The following IQCJ variants were observed in gnomAD, a reference collection of about 807,000 sequenced individuals.
IQCJ encodes the protein IQ domain-containing protein J.
Under a neutral mutation model 11.0 loss-of-function variants are expected in IQCJ, and 9 were observed. The ratio of observed to expected loss-of-function variants is 0.82; its 90% CI spans 0.49 to 1.43. The LOEUF (loss-of-function observed/expected upper bound fraction) is 1.43, where lower values mean the gene tolerates loss of function less well. Ranked by LOEUF, IQCJ falls within the 40% of genes most tolerant of loss-of-function variation. The pLI is 0.00. For missense variants in IQCJ, 146 were observed against 133.2 expected (o/e 1.10, Z -0.47); for synonymous variants, 55 against 51.3 (o/e 1.07, Z -0.31).
intron 1 of IQCJ, among the ~76,000 whole-genome samples, chr3:159,236,032 A>G (rs78105849): frequency 0.022 from 3,369 of 152,274 alleles, 116 homozygotes; most frequent in African/African-American, 0.077. Context: ...ATGTCCTTAA[A>G]GTGTTAGAAA....
intron 1 of IQCJ, 167 bp downstream of exon 1, chr3:159,069,608 T>G: frequency 1.1e-6 from 1 of 890,462 alleles, no homozygotes; most frequent in Non-Finnish European, 1.7e-6. Context: ...TGTGCATGTG[T>G]CCTTGTTAAT....
chr3:159,210,853 G>A (rs942526036), intron 1 of IQCJ, among the ~76,000 whole-genome samples: 1 of 152,020 alleles, frequency 6.6e-6, no homozygotes, highest in Admixed American at 6.5e-5. Context: ...TGTATTTTCA[G>A]TAGAGTTGGG....
chr3:159,101,685 C>A (rs996482063), intron 1 of IQCJ, among the ~76,000 whole-genome samples: 5 of 152,146 alleles, frequency 3.3e-5, no homozygotes, highest in Non-Finnish European at 7.3e-5. Context: ...GGACTCAAGC[C>A]CATCTACTGT....
chr3:159,150,615 C>CACACACACACAT (rs200139441), intron 1 of IQCJ, among the ~76,000 whole-genome samples: 1 of 149,822 alleles, frequency 6.7e-6, no homozygotes, highest in African/African-American at 2.5e-5. Context: ...CACACACACA[C>CACACACACACAT]ATATTCTGGG....
chr3:159,075,915 G>A (rs1715880419), intron 1 of IQCJ, among the ~76,000 whole-genome samples: 1 of 152,056 alleles, frequency 6.6e-6, no homozygotes, highest in Admixed American at 6.6e-5. Context: ...ATTGAGCTGG[G>A]CATGGAGGGT....
chr3:159,217,947 G>C (rs975217796), intron 1 of IQCJ, among the ~76,000 whole-genome samples: 1 of 152,014 alleles, frequency 6.6e-6, no homozygotes, highest in Non-Finnish European at 1.5e-5. Context: ...AAAGCTCCTT[G>C]AGGACAGTGG....
At chr3:159,211,606 G>A (rs1724955594) in intron 1 of IQCJ, among the ~76,000 whole-genome samples, 1 of 152,168 alleles carries the variant, frequency 6.6e-6, no homozygotes, top group African/African-American at 2.4e-5. Context: ...AATGGCAATT[G>A]ACAACTTTAC....
intron 1 of IQCJ, among the ~76,000 whole-genome samples, chr3:159,178,568 C>T (rs1213815048): frequency 6.6e-6 from 1 of 152,094 alleles, no homozygotes; most frequent in Non-Finnish European, 1.5e-5. Context: ...CATACTATAC[C>T]AACACTGTTT....
rs1718835055 is a variant in IQCJ, at chr3:159,114,512, T to C, written c.9+45071T>C. On this transcript the variant is annotated intron_variant, in intron 1 of 3. Transcript: ENST00000397832. The stretch of plus-strand genomic sequence containing the variant: ...TTTTAGTAGAGAAGGGGTTTCGCCA[T>C]GTTGGCCAGGCTGGTCTCGAACTCC... 2.0e-5 allele frequency among the ~76,000 whole-genome samples: 3 copies of C among 149,960 alleles called. No homozygotes were observed. In the South Asian group the frequency reaches 6.4e-4, roughly 32 times the overall value.
intron 1 of IQCJ, among the ~76,000 whole-genome samples, chr3:159,205,002 C>T (rs931187510): frequency 2.0e-5 from 3 of 152,194 alleles, no homozygotes; most frequent in Non-Finnish European, 4.4e-5. Context: ...GGACCTGTTC[C>T]TCCTGGTCTC....
chr3:159,174,709 G>C (rs1419964662), intron 1 of IQCJ, among the ~76,000 whole-genome samples: 1 of 151,972 alleles, frequency 6.6e-6, no homozygotes, highest in Non-Finnish European at 1.5e-5. Context: ...ATCCATATTT[G>C]TACACATATA....
At chr3:159,107,105 C>A (rs961132665) in intron 1 of IQCJ, among the ~76,000 whole-genome samples, 2 of 152,046 alleles carry the variant, frequency 1.3e-5, no homozygotes, top group African/African-American at 2.4e-5. Context: ...AACTCTCATT[C>A]CTTTATCTGC....
chr3:159,150,832 G>A (rs1031513039), intron 1 of IQCJ, among the ~76,000 whole-genome samples: 1 of 152,132 alleles, frequency 6.6e-6, no homozygotes, highest in African/African-American at 2.4e-5. Flanking sequence ...GCCAATCATT[G>A]AGGCACCTTC....
chr3:159,263,844 G>C (rs1310778748), downstream of IQCJ: 32 of 979,968 alleles, frequency 3.3e-5, no homozygotes, highest in Non-Finnish European at 3.8e-5. Context: ...ATTGACAGCA[G>C]AAATTGAACA....
At chr3:159,228,394 A>C (rs1241826596) in intron 1 of IQCJ, among the ~76,000 whole-genome samples, 2 of 152,222 alleles carry the variant, frequency 1.3e-5, no homozygotes, top group Non-Finnish European at 2.9e-5. Flanking sequence ...GAAGCAATTT[A>C]GGGCAATCAC....
chr3:159,144,685 CACACA>C (rs1720825604), intron 1 of IQCJ, among the ~76,000 whole-genome samples: 1 of 148,004 alleles, frequency 6.8e-6, no homozygotes, highest in Non-Finnish European at 1.5e-5. Flanking sequence ...CACACACACA[CACACA>C]GAGTTCCTGC....
downstream of IQCJ, among the ~76,000 whole-genome samples, chr3:159,264,472 C>T (rs1015317748): frequency 2.6e-5 from 4 of 152,142 alleles, no homozygotes; most frequent in African/African-American, 7.2e-5. Flanking sequence ...TATTTCCTCC[C>T]TCAAATGTTC....
chr3:159,101,105 A>G (rs376735428), intron 1 of IQCJ, among the ~76,000 whole-genome samples: 2,586 of 129,394 alleles, frequency 0.02, 83 homozygotes, highest in African/African-American at 0.075. Flanking sequence ...GAAAAGCGCA[A>G]TATTCGGGTG....
intron 1 of IQCJ, among the ~76,000 whole-genome samples, chr3:159,186,985 C>G (rs556269389): frequency 1.2e-3 from 189 of 152,246 alleles, no homozygotes; most frequent in Non-Finnish European, 2.3e-3. Flanking sequence ...ATTGAGCTCC[C>G]CATTAAAATG....
Sources: allele counts gnomAD v4.1 joint callset (sites outside exome capture counted in the v4.1 genomes callset), GRCh38; gene constraint gnomAD v4.1.1; transcripts MANE v1.5; gene names NCBI Gene and HGNC (gene_info 2026-07-23, HGNC 2026-07-21).